The following CDH9 variants were observed in gnomAD, a reference collection of about 807,000 sequenced individuals.
CDH9 encodes cadherin 9, also known as cadherin-9.
In CDH9, 28 loss-of-function variants were observed where a neutral mutation model predicts 70.9. The ratio of observed to expected loss-of-function variants is 0.40; its 90% CI spans 0.29 to 0.54. CDH9 has a LOEUF of 0.54. CDH9 is among the 20% of genes least tolerant of loss of function. CDH9 has a pLI of 0.59. For missense variants in CDH9, 874 were observed against 984.4 expected (o/e 0.89, Z 1.50); for synonymous variants, 409 against 343.1 (o/e 1.19, Z -2.12).
intron 1 of CDH9, among the ~76,000 whole-genome samples, chr5:26,996,165 T>C (rs1318897805): frequency 1.3e-5 from 2 of 152,000 alleles, no homozygotes; most frequent in African/African-American, 4.8e-5. Flanking sequence ...AATCTTTTTC[T>C]TCAGACAAAG....
intron 2 of CDH9, among the ~76,000 whole-genome samples, chr5:26,963,670 T>C (rs1462370375): frequency 6.6e-6 from 1 of 152,094 alleles, no homozygotes; most frequent in East Asian, 1.9e-4. Context: ...CAAATTCAAA[T>C]GGACCCTTAC....
chr5:26,983,822 A>C (rs886772164), intron 2 of CDH9, among the ~76,000 whole-genome samples: 2 of 152,074 alleles, frequency 1.3e-5, no homozygotes, highest in Non-Finnish European at 2.9e-5. Context: ...TCTATTTCTA[A>C]TTTATATTCC....
intron 1 of CDH9, among the ~76,000 whole-genome samples, chr5:27,014,043 G>A (rs1561040656): frequency 6.6e-6 from 1 of 152,068 alleles, no homozygotes; most frequent in East Asian, 1.9e-4. Flanking sequence ...ATCATCATCA[G>A]CTGAGCTCAT....
rs769698597 is a variant in CDH9 at position 26,906,782 on chromosome 5, T to C, written c.580A>G (p.Ser194Gly). ...AATATGCTATAGACCACTTTGGCAC[T>C]ATTTCCATAGTTGGCGTCATCTGCA... ...TDADDANYGN[S>G]AKVVYSILQG... Residue 194 changes from serine to glycine, a missense_variant, in exon 4 of 12, where the codon AGT becomes GGT. Physicochemically the swap from Ser to Gly is moderately conservative, Grantham distance 56. Transcript: ENST00000231021. 4 of 1,613,096 alleles carry C rather than the reference T, an allele frequency of 2.5e-6. No individual in the cohort carries two copies. The African/African-American group carries it at 5.3e-5, about 22-fold the overall frequency.
chr5:26,915,143 T>C (rs1462497117), intron 3 of CDH9, among the ~76,000 whole-genome samples: 1 of 152,014 alleles, frequency 6.6e-6, no homozygotes, highest in Non-Finnish European at 1.5e-5. Flanking sequence ...TCTTTCTGAA[T>C]CTTGAGTTTC....
intron 1 of CDH9, among the ~76,000 whole-genome samples, chr5:27,006,942 T>A (rs533728876): frequency 1.3e-5 from 2 of 152,224 alleles, no homozygotes; most frequent in South Asian, 2.1e-4. Context: ...ACCAGAGAGT[T>A]TGTGACACAT....
intron 2 of CDH9, among the ~76,000 whole-genome samples, chr5:26,917,627 A>G (rs1290154296): frequency 1.3e-5 from 2 of 152,098 alleles, no homozygotes; most frequent in Non-Finnish European, 2.9e-5. Context: ...CAAGCTCAGC[A>G]TCAAAATAAT....
Position 26,889,844 on chromosome 5 carries a change from G to A in CDH9, c.1504C>T (p.Pro502Ser). 6.3e-7 allele frequency: 1 copy of A among 1,579,694 alleles called. No homozygotes were observed. The highest frequency in any genetic ancestry group is 8.7e-7 in the Non-Finnish European group (1 of 1,152,530). ...YETFVCENAK[P>S]GQLIQTVSVM... Reference sequence around the variant, plus strand: ...TTAATGATTTTATTTACCTGCCCAGGTTTTGCATTTTCACAAACAAATGTT... The same window carrying A: ...TTAATGATTTTATTTACCTGCCCAGATTTTGCATTTTCACAAACAAATGTT... The change falls in exon 9 of 12, where the codon CCT becomes TCT. Residue 502 changes from proline to serine, a missense_variant. By Grantham distance (74) the Pro-to-Ser change is moderately conservative (BLOSUM62 -1). Coordinates refer to ENST00000231021, the MANE Select transcript of CDH9 (RefSeq NM_016279.4).
intron 2 of CDH9, among the ~76,000 whole-genome samples, chr5:26,918,494 A>C (rs1165450674): frequency 6.6e-6 from 1 of 152,212 alleles, no homozygotes; most frequent in Non-Finnish European, 1.5e-5. Context: ...GAAGACCATA[A>C]ATATTTCCTC....
chr5:26,953,321 A>T (rs925785955), intron 2 of CDH9, among the ~76,000 whole-genome samples: 1 of 152,224 alleles, frequency 6.6e-6, no homozygotes, highest in South Asian at 2.1e-4. Flanking sequence ...ATTTTCTAAA[A>T]ACAAACTAAA....
chr5:27,005,282 G>A (rs1010878640), intron 1 of CDH9, among the ~76,000 whole-genome samples: 1 of 151,738 alleles, frequency 6.6e-6, no homozygotes. Flanking sequence ...TGCAACCTAG[G>A]CAATACCATC....
chr5:26,902,879 T>G, intron 6 of CDH9, 150 bp from the exon 7 acceptor site: 1 of 574,606 alleles, frequency 1.7e-6, no homozygotes, highest in South Asian at 2.3e-5. Context: ...GAAATAAATT[T>G]ATAAATATAT....
At chr5:26,950,273 G>A (rs2112045894) in intron 2 of CDH9, among the ~76,000 whole-genome samples, 1 of 152,300 alleles carries the variant, frequency 6.6e-6, no homozygotes, top group African/African-American at 2.4e-5. Context: ...ATAATTCACA[G>A]AATGATGTCC....
intron 2 of CDH9, among the ~76,000 whole-genome samples, chr5:26,974,589 C>T (rs1358865326): frequency 6.6e-6 from 1 of 152,048 alleles, no homozygotes; most frequent in African/African-American, 2.4e-5. Flanking sequence ...ATAAACTTGT[C>T]TGAATGGATA....
intron 2 of CDH9, among the ~76,000 whole-genome samples, chr5:26,928,553 A>C (rs1234269392): frequency 6.6e-6 from 1 of 152,108 alleles, no homozygotes; most frequent in East Asian, 1.9e-4. Context: ...CTAAGCACAA[A>C]GAACCAAACT....
intron 2 of CDH9, among the ~76,000 whole-genome samples, chr5:26,946,147 G>A (rs966804350): frequency 2.0e-5 from 3 of 152,132 alleles, no homozygotes; most frequent in African/African-American, 4.8e-5. Context: ...TAACTTGAAA[G>A]TTTCTAGCTG....
chr5:26,935,807 A>G (rs1741548246), intron 2 of CDH9, among the ~76,000 whole-genome samples: 1 of 152,234 alleles, frequency 6.6e-6, no homozygotes. Flanking sequence ...ATGCACATGC[A>G]TGTTTATAGC....
chr5:26,960,312 T>C (rs1248697017), intron 2 of CDH9, among the ~76,000 whole-genome samples: 1 of 151,964 alleles, frequency 6.6e-6, no homozygotes, highest in Non-Finnish European at 1.5e-5. Context: ...ATGAATTAAA[T>C]GCGTAGATAA....
chr5:26,881,871 T>G (rs766945231), intron 11 of CDH9, among the ~76,000 whole-genome samples: 91 of 152,224 alleles, frequency 6.0e-4, no homozygotes, highest in Middle Eastern at 3.4e-3. Context: ...TCTGGCTTTA[T>G]TCAAGTACAA....
Sources: gnomAD v4.1 joint callset for allele counts (sites outside exome capture counted in the v4.1 genomes callset) on GRCh38, gnomAD v4.1.1 for gene constraint, MANE v1.5 for transcripts, NCBI Gene and HGNC (gene_info 2026-07-23, HGNC 2026-07-21) for gene names.